PDIA6: variants seen among roughly 807,000 people sequenced by gnomAD.
PDIA6 encodes the protein protein disulfide isomerase family A member 6.
A neutral mutation model predicts 58.4 loss-of-function variants in PDIA6; 29 were observed. The observed-to-expected ratio is 0.50, with a 90% CI of 0.37 to 0.68. The LOEUF is 0.68. PDIA6 is among the 30% of genes least tolerant of loss of function. PDIA6 has a pLI of 0.00. For missense variants in PDIA6, 480 were observed against 551.0 expected (o/e 0.87, Z 1.29); for synonymous variants, 192 against 202.6 (o/e 0.95, Z 0.44).
At chr2:10,798,977 A>G (rs773146259) in intron 2 of PDIA6, among the ~76,000 whole-genome samples, 9 of 152,212 alleles carry the variant, frequency 5.9e-5, no homozygotes, top group Non-Finnish European at 1.3e-4. Context: ...GCATGACGTG[A>G]CACCACAAGA....
chr2:10,829,974 G>A (rs906259487), intron 1 of PDIA6, among the ~76,000 whole-genome samples: 7 of 152,202 alleles, frequency 4.6e-5, no homozygotes, highest in African/African-American at 1.2e-4. Context: ...TTCTTCAAGC[G>A]TGTTGCATGG....
upstream of PDIA6, among the ~76,000 whole-genome samples, chr2:10,816,695 T>A (rs1667206918): frequency 6.6e-6 from 1 of 152,174 alleles, no homozygotes; most frequent in Non-Finnish European, 1.5e-5. Context: ...TTTTTCTTTG[T>A]ACAGCCTTCC....
chr2:10,793,654 G>A (rs532444207), intron 4 of PDIA6, among the ~76,000 whole-genome samples: 5 of 152,256 alleles, frequency 3.3e-5, no homozygotes, highest in South Asian at 2.1e-4. Flanking sequence ...GTGAGCCACC[G>A]TGTCCAGCCC....
intron 1 of PDIA6, among the ~76,000 whole-genome samples, chr2:10,824,016 G>C (rs912124527): frequency 6.6e-6 from 1 of 152,154 alleles, no homozygotes; most frequent in African/African-American, 2.4e-5. Context: ...TCATGATTCA[G>C]CTTTATGATT....
intron 11 of PDIA6, among the ~76,000 whole-genome samples, chr2:10,786,401 C>T (rs181065525): frequency 4.7e-4 from 71 of 152,200 alleles, no homozygotes; most frequent in African/African-American, 1.1e-3. Flanking sequence ...CAGTCTGCCC[C>T]CCGCCGGCAG....
chr2:10,829,248 G>A (rs1667639148), intron 1 of PDIA6, among the ~76,000 whole-genome samples: 1 of 152,122 alleles, frequency 6.6e-6, no homozygotes, highest in Non-Finnish European at 1.5e-5. Context: ...GGTCTCTTTT[G>A]GGCCACTCAT....
Position 10,787,281 on chromosome 2 carries a change from C to T in PDIA6, c.1157G>A (p.Arg386Lys), listed in dbSNP as rs777956850. Residue 386 changes from arginine (R) to lysine (K), a missense_variant and splice_region_variant, in exon 11 of 13, where the codon AGG becomes AAG. Arg to Lys is a conservative substitution (Grantham distance 26, BLOSUM62 2). Coordinates refer to ENST00000272227, the MANE Select transcript of PDIA6 (RefSeq NM_005742.4). ...FSEQGINEFL[R>K]ELSFGRGSTA... ...CAAACAACCTAAGAAAACAAATTAC[C>T]TGAGAAACTCGTTGATGCCTTGCTC... The T allele has an allele frequency of 1.2e-6, 2 of 1,613,500 alleles. No homozygotes were observed. Among genetic ancestry groups the T allele is most frequent in the East Asian group, 4.5e-5 (2 of 44,878 alleles).
At chr2:10,822,170 C>T (rs1558462380) in intron 1 of PDIA6, among the ~76,000 whole-genome samples, 1 of 151,960 alleles carries the variant, frequency 6.6e-6, no homozygotes, top group African/African-American at 2.4e-5. Flanking sequence ...AACTCTTGGG[C>T]TCAAGTGATC....
At chr2:10,784,529 A>G in intron 12 of PDIA6, 1 of 539,474 alleles carries the variant, frequency 1.9e-6, no homozygotes, top group Non-Finnish European at 3.2e-6. Flanking sequence ...TTTCAACATC[A>G]CATCACTCAC....
intron 4 of PDIA6, among the ~76,000 whole-genome samples, chr2:10,793,524 T>G (rs1666133153): frequency 6.6e-6 from 1 of 152,090 alleles, no homozygotes; most frequent in African/African-American, 2.4e-5. Context: ...GAGTGATTTC[T>G]GGCTAATTTT....
chr2:10,789,656 G>T, intron 8 of PDIA6, 93 bp downstream of exon 8: 1 of 1,119,070 alleles, frequency 8.9e-7, no homozygotes, highest in Non-Finnish European at 1.3e-6. Context: ...GTATCTTTAA[G>T]GGCATAAAAT....
chr2:10,824,393 G>A (rs1157897469), intron 1 of PDIA6, among the ~76,000 whole-genome samples: 2 of 152,238 alleles, frequency 1.3e-5, no homozygotes, highest in African/African-American at 4.8e-5. Context: ...GCAACCCTGG[G>A]TGGATTCTAG....
At chr2:10,827,692 C>A (rs1483925342) in intron 1 of PDIA6, among the ~76,000 whole-genome samples, 1 of 151,840 alleles carries the variant, frequency 6.6e-6, no homozygotes, top group African/African-American at 2.4e-5. Context: ...GATATGGAGG[C>A]ACACACCTGT....
rs1452707914 is a variant in PDIA6, at chr2:10,812,772, C to A, written c.-76G>T. 3.0e-6 allele frequency: 4 copies of A among 1,331,874 alleles called. No individual in the cohort carries two copies. The highest frequency in any genetic ancestry group is 1.8e-5 in the South Asian group (1 of 55,716). 82.5% of individuals were successfully genotyped at this position (1,331,874 alleles called of 1,614,324 possible). On this transcript the variant is annotated 5_prime_UTR_variant, in exon 1 of 13. Coordinates refer to ENST00000272227, the MANE Select transcript of PDIA6 (RefSeq NM_005742.4). ...TGCAGCGTGCCGCACGCCGCGCCCCCGCGCCCACGTCCCGCCCCAGGCCAG... is the reference window on the plus strand; with the variant it reads ...TGCAGCGTGCCGCACGCCGCGCCCCAGCGCCCACGTCCCGCCCCAGGCCAG...
At chr2:10,796,243 C>T (rs951570449) in intron 4 of PDIA6, among the ~76,000 whole-genome samples, 2 of 151,980 alleles carry the variant, frequency 1.3e-5, no homozygotes, top group Non-Finnish European at 2.9e-5. Context: ...TTAGTAGAGA[C>T]AGGGTTTCAC....
intron 1 of PDIA6, among the ~76,000 whole-genome samples, chr2:10,824,307 C>A: frequency 6.6e-6 from 1 of 152,224 alleles, no homozygotes. Context: ...TCCCTGGGGG[C>A]AGCTTACATT....
intron 5 of PDIA6, among the ~76,000 whole-genome samples, chr2:10,792,720 T>C (rs1272282820): frequency 1.5e-5 from 2 of 129,456 alleles, no homozygotes; most frequent in East Asian, 4.5e-4. Context: ...CTGCCACAGA[T>C]ACAGGCCAAG....
intron 7 of PDIA6, 145 bp from the exon 8 acceptor site, chr2:10,790,034 A>G (rs2148536835): frequency 3.1e-6 from 2 of 648,688 alleles, no homozygotes; most frequent in Non-Finnish European, 2.5e-6. Flanking sequence ...GCTGGAGAGC[A>G]CAGGTGCAAT....
At chr2:10,814,129 T>C (rs539314695), upstream of PDIA6, among the ~76,000 whole-genome samples, 175 of 152,330 alleles carry the variant, frequency 1.1e-3, no homozygotes, top group African/African-American at 4.1e-3. Context: ...TTTGTATTAG[T>C]AATTTCTCCA....
Sources: allele counts gnomAD v4.1 joint callset (sites outside exome capture counted in the v4.1 genomes callset), GRCh38; gene constraint gnomAD v4.1.1; transcripts MANE v1.5; gene names NCBI Gene and HGNC (gene_info 2026-07-23, HGNC 2026-07-21).